ANKRD49: variants seen among roughly 807,000 people sequenced by gnomAD.
ANKRD49 encodes the protein ankyrin repeat domain-containing protein 49.
In ANKRD49, 18 loss-of-function variants were observed where a neutral mutation model predicts 19.6. The ratio of observed to expected loss-of-function variants is 0.92; its 90% CI spans 0.63 to 1.36. The LOEUF (loss-of-function observed/expected upper bound fraction) is 1.36, where lower values mean the gene tolerates loss of function less well. ANKRD49 is among the 40% of genes most tolerant of loss of function. The probability of loss-of-function intolerance (pLI) is 0.00; values close to 1 mark genes in which losing one functional copy is unlikely to be tolerated. For synonymous variants in ANKRD49, 88 were observed against 101.8 expected, an observed-to-expected ratio of 0.86 and a Z score of 0.82; for missense variants, 218 against 281.6, an observed-to-expected ratio of 0.77 and a Z score of 1.62.
In ANKRD49 at chr11:94,499,198, C is replaced by T. The variant is rs901890439; in HGVS notation, c.*666C>T. On this transcript the variant is annotated 3_prime_UTR_variant, in exon 3 of 3. Transcript: ENST00000544612. ...ATCCTGTGGATAGTCCTACCTCACCCTGGTCAACCTACATGATCCTTAAGC... is the reference window on the plus strand; with the variant it reads ...ATCCTGTGGATAGTCCTACCTCACCTTGGTCAACCTACATGATCCTTAAGC... 6.5e-6 allele frequency: 1 copy of T among 153,020 alleles called. No homozygotes were observed. The highest frequency in any genetic ancestry group is 1.5e-5 in the Non-Finnish European group (1 of 68,366). 9.5% of individuals were successfully genotyped at this position (153,020 alleles called of 1,614,324 possible).
At chr11:94,495,403 C>A (rs545532216) in intron 1 of ANKRD49, among the ~76,000 whole-genome samples, 25 of 152,098 alleles carry the variant, frequency 1.6e-4, no homozygotes, top group Non-Finnish European at 3.4e-4. Context: ...AGCTTATAAT[C>A]TTTTAAGGGG....
rs779282464 is a variant in ANKRD49 at position 94,498,232 on chromosome 11, T to C, written c.420T>C (p.Asp140=). The part of the protein sequence containing the change: ...QGADVHAVTV[D]GWTPLHSACK... ...CCGATGTTCATGCAGTGACTGTGGA[T>C]GGCTGGACGCCCCTGCACAGTGCTT... The change falls in exon 3 of 3, where the codon GAT becomes GAC. Residue 140 remains aspartate, a synonymous_variant. Transcript: ENST00000544612. 6.2e-7 allele frequency: 1 copy of C among 1,614,186 alleles called. No individual in the cohort carries two copies. The highest frequency in any genetic ancestry group is 8.5e-7 in the Non-Finnish European group (1 of 1,180,040).
At position 94,498,568 on chromosome 11, in the gene ANKRD49, G is replaced by C; in HGVS notation, c.*36G>C. 1 of 1,528,360 alleles carries C rather than the reference G, an allele frequency of 6.5e-7. No individual in the cohort carries two copies. The highest frequency in any genetic ancestry group is 8.9e-7 in the Non-Finnish European group (1 of 1,120,912). 94.7% of individuals were successfully genotyped at this position (1,528,360 alleles called of 1,614,324 possible). On this transcript the variant is annotated 3_prime_UTR_variant, in exon 3 of 3. Transcript: ENST00000544612. ...AATTTTCCTAAGTTTCTAAATACCAGTGCCTCCTGTGTGTGAGATGTATTC... is the reference window on the plus strand; with the variant it reads ...AATTTTCCTAAGTTTCTAAATACCACTGCCTCCTGTGTGTGAGATGTATTC...
Position 94,496,686 on chromosome 11 carries a change from A to G in ANKRD49, c.-8A>G. 1.9e-6 allele frequency: 3 copies of G among 1,569,722 alleles called. No homozygotes were observed. The South Asian group carries it at 3.6e-5, about 19-fold the overall frequency. On this transcript the variant is annotated 5_prime_UTR_variant, in exon 2 of 3. Transcript: ENST00000544612. ...TGAAATGCTTTTTATTTAGAATAGT[A>G]GTAAAAAATGGAAAAAGAAAAAGGA... is the stretch of plus-strand genomic sequence containing the variant.
chr11:94,498,787 T>C lies in ANKRD49; in HGVS notation c.*255T>C. On this transcript the variant is annotated 3_prime_UTR_variant, in exon 3 of 3. Coordinates refer to ENST00000544612, the MANE Select transcript of ANKRD49 (RefSeq NM_017704.3). ...TTTTAATGTGTGTATACTTAAAAAC[T>C]TGACACGGGTTGTACAGAAACTGGT... 2.2e-6 allele frequency: 1 copy of C among 444,452 alleles called. No homozygotes were observed. The highest frequency in any genetic ancestry group is 4.2e-5 in the East Asian group (1 of 23,752). The allele number at this position is 444,452 out of a possible 1,614,324, so 27.5% of individuals were successfully genotyped here. A position where few individuals can be genotyped will look rare whatever the true frequency, so the allele number is the denominator to read the frequency against.
Position 94,496,901 on chromosome 11 carries a change from AT to A in ANKRD49, c.209del (p.Met70ArgfsTer32), listed in dbSNP as rs2135161297. Reference protein sequence around the residue: ...EEWYRLQEKKMEKDPSRLLLW... With the variant: ...EEWYRLQEKKXEKDPSRLLLW... ...GTGGTATCGATTGCAAGAAAAAAAA[AT>A]GGAAAAAGACCCAAGCAGATTGCTT... On this transcript the variant is annotated frameshift_variant, in exon 2 of 3. Transcript: ENST00000544612. LOFTEE classifies it high-confidence loss of function. 2 of 1,613,876 alleles carry A rather than the reference AT, an allele frequency of 1.2e-6. No homozygotes were observed. The highest frequency in any genetic ancestry group is 4.5e-5 in the East Asian group (2 of 44,858).
At position 94,498,278 on chromosome 11, in the gene ANKRD49, G is replaced by C. The variant is rs368818660; in HGVS notation, c.466G>C (p.Val156Leu). 6.2e-7 allele frequency: 1 copy of C among 1,614,170 alleles called. No homozygotes were observed. The highest frequency in any genetic ancestry group is 8.5e-7 in the Non-Finnish European group (1 of 1,180,038). ...TGCTTGTAAGTGGAATAATACCAGA[G>C]TGGCTTCTTTCTTACTGCAGCATGA... ...HSACKWNNTR[V>L]ASFLLQHDAD... The change falls in exon 3 of 3, where the codon GTG becomes CTG. Residue 156 changes from valine (V) to leucine (L), a missense_variant. By Grantham distance (32) the Val-to-Leu change is conservative (BLOSUM62 1). Coordinates refer to ENST00000544612, the MANE Select transcript of ANKRD49 (RefSeq NM_017704.3).
intron 2 of ANKRD49, 43 bp from the exon 3 acceptor site, chr11:94,498,028 T>G (rs1431874627): frequency 6.9e-7 from 1 of 1,440,978 alleles, no homozygotes; most frequent in African/African-American, 1.4e-5. Flanking sequence ...AGTTATTGTT[T>G]TGGTTTGAGT....
chr11:94,498,652 ACATTCTTC>A lies in ANKRD49; in HGVS notation c.*123_*130del. Reference sequence around the variant, plus strand: ...CAAAAATTCAGTGACATTCATTATAACATTCTTCCAAGTGAATTGCCTGACTTTGATGT... The same window carrying A: ...CAAAAATTCAGTGACATTCATTATAACAAGTGAATTGCCTGACTTTGATGT... On this transcript the variant is annotated 3_prime_UTR_variant, in exon 3 of 3. Transcript: ENST00000544612. 1.2e-6 allele frequency: 1 copy of A among 852,134 alleles called. No individual in the cohort carries two copies. The highest frequency in any genetic ancestry group is 2.6e-5 in the East Asian group (1 of 38,972). 52.8% of individuals were successfully genotyped at this position (852,134 alleles called of 1,614,324 possible). A position where few individuals can be genotyped will look rare whatever the true frequency, so the allele number is the denominator to read the frequency against.
intron 2 of ANKRD49, chr11:94,497,690 G>A (rs1204064204): frequency 5.5e-6 from 1 of 182,642 alleles, no homozygotes; most frequent in African/African-American, 2.4e-5. Flanking sequence ...ATATTGGTGT[G>A]ATAATCCTAC....
intron 2 of ANKRD49, 25 bp downstream of exon 2, chr11:94,496,976 A>G (rs1377962006): frequency 6.2e-7 from 1 of 1,611,300 alleles, no homozygotes; most frequent in Non-Finnish European, 8.5e-7. Flanking sequence ...TACAGAGGGA[A>G]GTGTGACAGT....
chr11:94,498,296 C>A lies in ANKRD49; in HGVS notation c.484C>A (p.Gln162Lys). The change falls in exon 3 of 3, where the codon CAG (glutamine) becomes AAG (lysine). Residue 162 changes from glutamine to lysine, a missense_variant. Physicochemically the swap from Gln to Lys is moderately conservative, Grantham distance 53. Transcript: ENST00000544612. ...TACCAGAGTGGCTTCTTTCTTACTGCAGCATGATGCAGATATCAATGCCCA... is the reference window on the plus strand; with the variant it reads ...TACCAGAGTGGCTTCTTTCTTACTGAAGCATGATGCAGATATCAATGCCCA... ...NNTRVASFLL[Q>K]HDADINAQTK... 6.2e-7 allele frequency: 1 copy of A among 1,614,132 alleles called. No individual in the cohort carries two copies. The highest frequency in any genetic ancestry group is 8.5e-7 in the Non-Finnish European group (1 of 1,180,036).
rs1292964763 is a variant in ANKRD49 at position 94,498,606 on chromosome 11, T to C, written c.*74T>C. On this transcript the variant is annotated 3_prime_UTR_variant, in exon 3 of 3. Coordinates refer to ENST00000544612, the MANE Select transcript of ANKRD49 (RefSeq NM_017704.3). ...GTGAGATGTATTCCCATAATCAAAG[T>C]TGACGTCAAACATCTTACTACAAAA... 18 of 1,304,214 alleles carry C rather than the reference T, an allele frequency of 1.4e-5. No homozygotes were observed. Among genetic ancestry groups the C allele is most frequent in the Admixed American group, 2.3e-5 (1 of 43,726 alleles). 80.8% of individuals were successfully genotyped at this position (1,304,214 alleles called of 1,614,324 possible). A position where few individuals can be genotyped will look rare whatever the true frequency, so the allele number is the denominator to read the frequency against.
chr11:94,494,257 G>A (rs13447580), intron 1 of ANKRD49: 2,242 of 152,410 alleles, frequency 0.015, 31 homozygotes, highest in Non-Finnish European at 0.024. Flanking sequence ...GCTGGTGGCA[G>A]AGTGCCGGAG....
At chr11:94,494,905 A>G (rs1229581456) in intron 1 of ANKRD49, among the ~76,000 whole-genome samples, 1 of 152,168 alleles carries the variant, frequency 6.6e-6, no homozygotes, top group Non-Finnish European at 1.5e-5. Flanking sequence ...ATGTATGGTC[A>G]TTTTTGTGTT....
At position 94,496,780 on chromosome 11, in the gene ANKRD49, G is replaced by T; in HGVS notation, c.87G>T (p.Leu29Phe). 2 of 1,613,960 alleles carry T rather than the reference G, an allele frequency of 1.2e-6. No homozygotes were observed. The change falls in exon 2 of 3, where the codon TTG becomes TTT. Residue 29 changes from leucine to phenylalanine, a missense_variant. Physicochemically the swap from Leu to Phe is conservative, Grantham distance 22 (BLOSUM62 0). Transcript: ENST00000544612. ...DFSEHFNQLELLETHGHLIPT... is the reference protein window; with the variant it reads ...DFSEHFNQLEFLETHGHLIPT... ...CTGAACACTTTAACCAACTTGAATT[G>T]TTGGAAACACATGGACACCTTATTC...
chr11:94,495,059 G>C (rs1188072413), intron 1 of ANKRD49, among the ~76,000 whole-genome samples: 1 of 152,104 alleles, frequency 6.6e-6, no homozygotes, highest in Non-Finnish European at 1.5e-5. Flanking sequence ...TTGGCCTTAG[G>C]AATACTTTAG....
At chr11:94,495,571 G>A (rs1565245647) in intron 1 of ANKRD49, among the ~76,000 whole-genome samples, 1 of 152,114 alleles carries the variant, frequency 6.6e-6, no homozygotes, top group African/African-American at 2.4e-5. Context: ...TTGAGAGGCT[G>A]GGAATTCGTA....
intron 2 of ANKRD49, chr11:94,497,328 G>C: frequency 2.8e-6 from 1 of 356,056 alleles, no homozygotes; most frequent in Non-Finnish European, 5.0e-6. Flanking sequence ...CTCTTTTATA[G>C]AGTAAGAAAT....
Sources: allele counts gnomAD v4.1 joint callset (sites outside exome capture counted in the v4.1 genomes callset), GRCh38; gene constraint gnomAD v4.1.1; transcripts MANE v1.5; gene names NCBI Gene and HGNC (gene_info 2026-07-23, HGNC 2026-07-21).